The following CSGALNACT1 variants were observed in gnomAD, a reference collection of about 807,000 sequenced individuals.
The protein encoded by CSGALNACT1 is beta4GalNAcT-1.
Under a neutral mutation model 51.0 loss-of-function variants are expected in CSGALNACT1, and 52 were observed. That is an observed-to-expected ratio of 1.02 (90% CI 0.82 to 1.29). The LOEUF (loss-of-function observed/expected upper bound fraction) is 1.29. Among genes scored for constraint, CSGALNACT1 ranks in the 50% most tolerant of loss-of-function variants. CSGALNACT1 has a pLI of 0.00. For missense variants in CSGALNACT1, 935 were observed against 679.2 expected (o/e 1.38, Z -4.19); for synonymous variants, 341 against 254.4 (o/e 1.34, Z -3.24).
At chr8:19,507,923 G>T (rs912729819) in intron 3 of CSGALNACT1, among the ~76,000 whole-genome samples, 2 of 152,206 alleles carry the variant, frequency 1.3e-5, no homozygotes, top group Non-Finnish European at 2.9e-5. Flanking sequence ...CGCCGTGCCC[G>T]GCCCTCCTAG....
intron 3 of CSGALNACT1, among the ~76,000 whole-genome samples, chr8:19,552,576 A>G (rs2088444885): frequency 6.6e-6 from 1 of 152,196 alleles, no homozygotes; most frequent in Non-Finnish European, 1.5e-5. Flanking sequence ...CAAGATACAT[A>G]CTTGCAAGCT....
chr8:19,618,634 A>C (rs2053379541), intron 1 of CSGALNACT1, among the ~76,000 whole-genome samples: 1 of 113,240 alleles, frequency 8.8e-6, no homozygotes, highest in South Asian at 2.4e-4. Flanking sequence ...TCCATCAAAA[A>C]AAAAAAAAAA....
intron 5 of CSGALNACT1, 59 bp downstream of exon 4, chr8:19,458,367 A>C: frequency 2.3e-6 from 3 of 1,313,894 alleles, no homozygotes; most frequent in Non-Finnish European, 3.3e-6. Flanking sequence ...ACGGGAAATG[A>C]TATCAGTGTT....
At chr8:19,569,403 T>C (rs894972672) in intron 3 of CSGALNACT1, among the ~76,000 whole-genome samples, 3 of 152,222 alleles carry the variant, frequency 2.0e-5, no homozygotes, top group African/African-American at 4.8e-5. Flanking sequence ...GGAGTGATGC[T>C]TTGTCCTTTT....
intron 5 of CSGALNACT1, among the ~76,000 whole-genome samples, chr8:19,446,748 G>A (rs113329815): frequency 0.14 from 20,533 of 152,078 alleles, 1,688 homozygotes; most frequent in Middle Eastern, 0.23. Flanking sequence ...TCCTGACCTC[G>A]GGTGAGCCAC....
intron 3 of CSGALNACT1, among the ~76,000 whole-genome samples, chr8:19,584,968 G>C (rs2046319563): frequency 1.3e-5 from 2 of 152,156 alleles, no homozygotes; most frequent in African/African-American, 4.8e-5. Flanking sequence ...ATAGACTTAA[G>C]TCTGAATTCT....
chr8:19,630,552 T>C (rs925115678), intron 1 of CSGALNACT1, among the ~76,000 whole-genome samples: 1 of 151,406 alleles, frequency 6.6e-6, no homozygotes, highest in African/African-American at 2.5e-5. Context: ...TTCTGCCAAA[T>C]GTATAATGAG....
At chr8:19,712,619 G>C (rs1222802523) in intron 1 of CSGALNACT1, among the ~76,000 whole-genome samples, 2 of 152,040 alleles carry the variant, frequency 1.3e-5, no homozygotes, top group African/African-American at 2.4e-5. Flanking sequence ...TTGCCACCAA[G>C]TCTCTGCACT....
intron 1 of CSGALNACT1, among the ~76,000 whole-genome samples, chr8:19,737,371 T>C (rs1406013928): frequency 6.6e-6 from 1 of 152,088 alleles, no homozygotes; most frequent in African/African-American, 2.4e-5. Context: ...ACAATAGCAA[T>C]AATATCTAAT....
intron 5 of CSGALNACT1, 77 bp from the exon 5 acceptor site, chr8:19,440,008 AAAGTG>A: frequency 8.3e-7 from 1 of 1,203,834 alleles, no homozygotes; most frequent in Non-Finnish European, 1.2e-6. Flanking sequence ...ACCTTTTTGT[AAAGTG>A]CAAAAGGGTC....
Position 19,558,335 on chromosome 8 carries a change from T to C in CSGALNACT1, c.-297+32825A>G, listed in dbSNP as rs80300734. Among the ~76,000 whole-genome samples, 5 of 152,320 alleles carry C rather than the reference T, an allele frequency of 3.3e-5. No individual in the cohort carries two copies. The East Asian group carries it at 7.7e-4, about 23-fold the overall frequency. Reference sequence around the variant, plus strand: ...AGTATCATGTTTTACATTTCAGCCATTCCTCCAAAGTAGGAACCCTCTTCA... The same window carrying C: ...AGTATCATGTTTTACATTTCAGCCACTCCTCCAAAGTAGGAACCCTCTTCA... On this transcript the variant is annotated intron_variant, in intron 3 of 9. Transcript: ENST00000454498.
intron 5 of CSGALNACT1, among the ~76,000 whole-genome samples, chr8:19,442,887 G>A (rs1445355764): frequency 6.6e-6 from 1 of 152,132 alleles, no homozygotes; most frequent in African/African-American, 2.4e-5. Context: ...ACTCTAGAGT[G>A]CCTTGGAAGC....
At chr8:19,657,565 C>T (rs1162921944) in intron 1 of CSGALNACT1, among the ~76,000 whole-genome samples, 1 of 152,126 alleles carries the variant, frequency 6.6e-6, no homozygotes, top group Non-Finnish European at 1.5e-5. Context: ...AACAACAGCC[C>T]CATTTCTCAA....
chr8:19,740,317 A>G (rs776466119), intron 1 of CSGALNACT1, among the ~76,000 whole-genome samples: 12 of 152,178 alleles, frequency 7.9e-5, no homozygotes, highest in Non-Finnish European at 1.6e-4. Flanking sequence ...ACAGCCTGCC[A>G]CACTCCAAGT....
At chr8:19,637,385 C>T (rs1053691142) in intron 1 of CSGALNACT1, among the ~76,000 whole-genome samples, 7 of 152,148 alleles carry the variant, frequency 4.6e-5, no homozygotes, top group African/African-American at 1.7e-4. Flanking sequence ...TTACCATATG[C>T]ACTTGGGAAG....
chr8:19,445,779 A>G (rs2153782506), intron 5 of CSGALNACT1, among the ~76,000 whole-genome samples: 1 of 152,306 alleles, frequency 6.6e-6, no homozygotes, highest in Non-Finnish European at 1.5e-5. Flanking sequence ...GTTTTCCTCT[A>G]AATAATTCTG....
At chr8:19,497,128 G>A (rs2075633498) in intron 4 of CSGALNACT1, among the ~76,000 whole-genome samples, 1 of 152,170 alleles carries the variant, frequency 6.6e-6, no homozygotes. Context: ...CCAGTGACGT[G>A]GTACCTGCCT....
chr8:19,630,586 G>A (rs536525557), intron 1 of CSGALNACT1, among the ~76,000 whole-genome samples: 1 of 152,078 alleles, frequency 6.6e-6, no homozygotes, highest in Non-Finnish European at 1.5e-5. Context: ...TACAGTATCA[G>A]GCAGCATAAT....
intron 1 of CSGALNACT1, among the ~76,000 whole-genome samples, chr8:19,640,359 T>C (rs1197287675): frequency 1.3e-5 from 2 of 152,148 alleles, no homozygotes; most frequent in African/African-American, 4.8e-5. Flanking sequence ...CTCCCAACTC[T>C]CAAATCTCAC....
Sources: allele counts gnomAD v4.1 joint callset (sites outside exome capture counted in the v4.1 genomes callset), GRCh38; gene constraint gnomAD v4.1.1; transcripts MANE v1.5; gene names NCBI Gene and HGNC (gene_info 2026-07-23, HGNC 2026-07-21).